The following JAK2 variants were observed in gnomAD, a reference collection of about 807,000 sequenced individuals.
The protein encoded by JAK2 is tyrosine-protein kinase JAK2.
Under a neutral mutation model 139.3 loss-of-function variants are expected in JAK2, and 86 were observed. The ratio of observed to expected loss-of-function variants is 0.62; its 90% confidence interval spans 0.52 to 0.74. The LOEUF (loss-of-function observed/expected upper bound fraction) is 0.74, where lower values mean the gene tolerates loss of function less well. Ranked by LOEUF, JAK2 falls within the 30% of genes least tolerant of loss-of-function variation. The probability of loss-of-function intolerance (pLI) is 0.00; values close to 1 mark genes in which losing one functional copy is unlikely to be tolerated. For synonymous variants in JAK2, 490 were observed against 437.7 expected (o/e 1.12, Z -1.49); for missense variants, 1,421 against 1,360.3 (o/e 1.04, Z -0.70).
chr9:5,119,429 TA>T (rs539525091), intron 22 of JAK2, among the ~76,000 whole-genome samples: 225 of 145,408 alleles, frequency 1.5e-3, no homozygotes, highest in African/African-American at 4.8e-3. Context: ...AATGAAAGCC[TA>T]AAAAAAAAAG....
intron 12 of JAK2, among the ~76,000 whole-genome samples, chr9:5,070,525 G>C (rs958574165): frequency 5.9e-5 from 9 of 151,756 alleles, no homozygotes; most frequent in Non-Finnish European, 1.2e-4. Flanking sequence ...TATATACATG[G>C]GTTTTGCATC....
At chr9:5,110,246 C>G (rs1249700045) in intron 22 of JAK2, 2 of 152,196 alleles carry the variant, frequency 1.3e-5, no homozygotes, top group Non-Finnish European at 2.9e-5. Flanking sequence ...TCCTGCTCAT[C>G]CGCTTCTACC....
At chr9:5,093,133 A>G (rs548411370) in intron 22 of JAK2, among the ~76,000 whole-genome samples, 72 of 152,318 alleles carry the variant, frequency 4.7e-4, no homozygotes, top group African/African-American at 1.7e-3. Context: ...ATAAGCTTAC[A>G]TAAGACTGGA....
At position 5,055,696 on chromosome 9, in the gene JAK2, A is replaced by C. The variant is rs1202932780; in HGVS notation, c.964A>C (p.Asn322His). 2.0e-5 allele frequency: 32 copies of C among 1,583,112 alleles called. No homozygotes were observed. The highest frequency in any genetic ancestry group is 2.7e-5 in the Non-Finnish European group (31 of 1,153,624). Residue 322 changes from asparagine (N) to histidine (H), a missense_variant, in exon 8 of 25, where the codon AAT (asparagine) becomes CAT (histidine). Transcript: ENST00000381652. ...QDLQLYCDFP[N>H]IIDVSIKQAN... is the part of the protein sequence containing the mutation. ...TTTACAGTTATATTGCGATTTTCCT[A>C]ATATTATTGATGTCAGTATTAAGCA...
intron 3 of JAK2, among the ~76,000 whole-genome samples, chr9:5,026,101 C>CATCT (rs1822767503): frequency 6.6e-6 from 1 of 151,902 alleles, no homozygotes; most frequent in Non-Finnish European, 1.5e-5. Context: ...TTATCATGTC[C>CATCT]ATCTCTAACC....
intron 19 of JAK2, among the ~76,000 whole-genome samples, chr9:5,088,765 C>T (rs1410441546): frequency 2.0e-5 from 3 of 152,210 alleles, no homozygotes; most frequent in African/African-American, 7.2e-5. Flanking sequence ...GCTGTGTCCT[C>T]ACATGGGAGA....
In JAK2 at chr9:5,116,064, T is replaced by TA. The variant is rs1007132713; in HGVS notation, c.3060-6930dup. ...CCAAAACTTAAAGTATAATAAAATT[T>TA]AAAAAAAAAACAGTGAACATTTATT... On this transcript the variant is annotated intron_variant, in intron 22 of 24. Coordinates refer to ENST00000381652, the MANE Select transcript of JAK2 (RefSeq NM_004972.4). 5.3e-4 allele frequency among the ~76,000 whole-genome samples: 80 copies of TA among 150,228 alleles called. 1 individual carries two copies. Among genetic ancestry groups the TA allele is most frequent in the Non-Finnish European group, 6.7e-4 (45 of 67,358 alleles).
intron 22 of JAK2, among the ~76,000 whole-genome samples, chr9:5,102,233 A>G (rs560686512): frequency 3.3e-5 from 5 of 152,318 alleles, no homozygotes; most frequent in African/African-American, 1.2e-4. Flanking sequence ...CATGAGAACT[A>G]CAGGACGCAT....
chr9:5,072,728 T>G (rs1819052225), intron 13 of JAK2, 102 bp downstream of exon 13: 1 of 860,426 alleles, frequency 1.2e-6, no homozygotes, highest in African/African-American at 1.7e-5. Flanking sequence ...AAAATTGTAA[T>G]TTTTAAATGT....
intron 22 of JAK2, chr9:5,114,789 T>C (rs1313464311): frequency 3.3e-5 from 10 of 306,446 alleles, no homozygotes; most frequent in Non-Finnish European, 4.5e-5. Context: ...GTAACTGTTG[T>C]CTGTAAATCC....
chr9:5,121,663 G>A (rs1456537812), intron 22 of JAK2, among the ~76,000 whole-genome samples: 1 of 152,108 alleles, frequency 6.6e-6, no homozygotes, highest in Admixed American at 6.6e-5. Context: ...ATTTTTAAAA[G>A]ATTTACATAC....
At chr9:5,080,130 C>G in intron 16 of JAK2, 99 bp from the exon 17 acceptor site, 1 of 950,790 alleles carries the variant, frequency 1.1e-6, no homozygotes, top group East Asian at 2.5e-5. Context: ...GAAAATAGGC[C>G]TGATTATTCA....
At chr9:5,074,596 C>T (rs1819187669) in intron 14 of JAK2, among the ~76,000 whole-genome samples, 1 of 152,206 alleles carries the variant, frequency 6.6e-6, no homozygotes, top group Non-Finnish European at 1.5e-5. Flanking sequence ...GCTCTGACTG[C>T]TCCATCAATG....
chr9:5,055,400 GGTT>G (rs1817693235), intron 7 of JAK2, among the ~76,000 whole-genome samples: 1 of 151,894 alleles, frequency 6.6e-6, no homozygotes, highest in African/African-American at 2.4e-5. Flanking sequence ...TTCTGGCAGT[GGTT>G]TCTACTAATG....
At chr9:5,061,337 A>G (rs150161090) in intron 8 of JAK2, among the ~76,000 whole-genome samples, 1 of 152,342 alleles carries the variant, frequency 6.6e-6, no homozygotes, top group African/African-American at 2.4e-5. Flanking sequence ...TATTCTTCCA[A>G]CAGAAGGCTG....
At chr9:5,115,022 G>C (rs963524693) in intron 22 of JAK2, among the ~76,000 whole-genome samples, 11 of 152,162 alleles carry the variant, frequency 7.2e-5, no homozygotes, top group African/African-American at 2.2e-4. Context: ...AGGACTTCAT[G>C]ACTAAAACAC....
At chr9:5,125,425 A>G (rs1411530880) in intron 23 of JAK2, among the ~76,000 whole-genome samples, 1 of 151,492 alleles carries the variant, frequency 6.6e-6, no homozygotes, top group Non-Finnish European at 1.5e-5. Context: ...TGTCTGAACA[A>G]TCATTTTCCA....
chr9:5,120,524 C>T (rs1237923692), intron 22 of JAK2, among the ~76,000 whole-genome samples: 3 of 152,040 alleles, frequency 2.0e-5, no homozygotes, highest in Admixed American at 6.6e-5. Context: ...ATATGGTTGA[C>T]GGTAATAACT....
chr9:5,024,380 G>C (rs1004290224), intron 3 of JAK2, among the ~76,000 whole-genome samples: 1 of 151,976 alleles, frequency 6.6e-6, no homozygotes, highest in Non-Finnish European at 1.5e-5. Context: ...TAATAGAAAA[G>C]AACAAAAAAC....
Sources: allele counts gnomAD v4.1 joint callset (sites outside exome capture counted in the v4.1 genomes callset), GRCh38; gene constraint gnomAD v4.1.1; transcripts MANE v1.5; gene names NCBI Gene and HGNC (gene_info 2026-07-23, HGNC 2026-07-21).